The following CDK8 variants were observed in gnomAD, a reference collection of about 807,000 sequenced individuals.
CDK8 encodes cyclin dependent kinase 8, also known as cyclin-dependent kinase 8.
A neutral mutation model predicts 71.5 loss-of-function variants in CDK8; 29 were observed. That is an observed-to-expected ratio of 0.41 (90% CI 0.30 to 0.55). The LOEUF (loss-of-function observed/expected upper bound fraction) is 0.55, where lower values mean the gene tolerates loss of function less well. Among genes scored for constraint, CDK8 ranks in the 20% least tolerant of loss-of-function variants. The pLI, the probability that CDK8 is intolerant of heterozygous loss-of-function variation, is 0.37. For missense variants in CDK8, 288 were observed against 572.6 expected (o/e 0.50, Z 5.07); for synonymous variants, 161 against 192.1 (o/e 0.84, Z 1.34).
In CDK8 at chr13:26,397,141, T is replaced by A; in HGVS notation, c.861-12T>A. On this transcript the variant is annotated splice_polypyrimidine_tract_variant and intron_variant, in intron 8 of 12. Coordinates refer to ENST00000381527, the MANE Select transcript of CDK8 (RefSeq NM_001260.3). Reference sequence around the variant, plus strand: ...AGTCTAATATAGCTATTTCATAGTATTTCTCTTTCAGGTATACCAACTGCA... The same window carrying A: ...AGTCTAATATAGCTATTTCATAGTAATTCTCTTTCAGGTATACCAACTGCA... The A allele has an allele frequency of 6.7e-7, 1 of 1,498,978 alleles. No homozygotes were observed. Among genetic ancestry groups the A allele is most frequent in the Non-Finnish European group, 9.3e-7 (1 of 1,077,942 alleles). The allele number at this position is 1,498,978 out of a possible 1,614,324, so 92.9% of individuals were successfully genotyped here. A position where few individuals can be genotyped will look rare whatever the true frequency, so the allele number is the denominator to read the frequency against.
intron 12 of CDK8, among the ~76,000 whole-genome samples, chr13:26,402,495 T>C (rs1486888305): frequency 6.6e-6 from 1 of 152,180 alleles, no homozygotes; most frequent in Admixed American, 6.5e-5. Flanking sequence ...GAGAAAGAGA[T>C]GTTATTAAAC....
intron 4 of CDK8, among the ~76,000 whole-genome samples, chr13:26,371,599 G>C (rs939651420): frequency 2.0e-5 from 3 of 150,984 alleles, no homozygotes; most frequent in African/African-American, 7.4e-5. Flanking sequence ...TGTACAAAAA[G>C]AAATAGAAAC....
rs549282901 is a variant in CDK8 at position 26,401,646 on chromosome 13, T to C, written c.1269+22T>C. 1.6e-5 allele frequency: 26 copies of C among 1,611,594 alleles called. No individual in the cohort carries two copies. The South Asian group carries it at 2.7e-4, about 17-fold the overall frequency. ...TCAGGTATTCCAAGTTTATTTTGTATTGACTGCATGTCAGTGTTTACATAT... is the reference window on the plus strand; with the variant it reads ...TCAGGTATTCCAAGTTTATTTTGTACTGACTGCATGTCAGTGTTTACATAT... On this transcript the variant is annotated intron_variant, in intron 12 of 12. Transcript: ENST00000381527. The surrounding 1 kb of genome is among the most constrained non-coding windows in gnomAD (Gnocchi z 4.5).
intron 1 of CDK8, among the ~76,000 whole-genome samples, chr13:26,290,361 A>G (rs953088394): frequency 1.3e-5 from 2 of 152,228 alleles, no homozygotes. Flanking sequence ...AAGTACTCAA[A>G]GGTTTTAGTT....
intron 12 of CDK8, among the ~76,000 whole-genome samples, chr13:26,402,034 A>C (rs1032902075): frequency 6.6e-6 from 1 of 152,246 alleles, no homozygotes; most frequent in Non-Finnish European, 1.5e-5. Flanking sequence ...TTAAGAACAT[A>C]GGCTTTCAGA....
intron 5 of CDK8, among the ~76,000 whole-genome samples, chr13:26,383,517 A>C (rs921292336): frequency 1.4e-4 from 22 of 152,032 alleles, no homozygotes; most frequent in Admixed American, 5.2e-4. Context: ...ATTTTTTTTC[A>C]TTGTCATTTC....
chr13:26,293,147 A>G (rs182186397), intron 1 of CDK8, among the ~76,000 whole-genome samples: 35 of 152,178 alleles, frequency 2.3e-4, no homozygotes, highest in African/African-American at 8.4e-4. Flanking sequence ...CTAGATTCTT[A>G]GTTTTCAATT....
intron 2 of CDK8, among the ~76,000 whole-genome samples, chr13:26,339,695 T>TTTTATTTATTTATTTATTTA (rs370690774): frequency 2.6e-4 from 35 of 136,418 alleles, no homozygotes; most frequent in South Asian, 6.9e-4. Context: ...ATACTTTCCA[T>TTTTATTTATTTATTTATTTA]TTTATTTATT....
chr13:26,323,958 A>C (rs921617375), intron 1 of CDK8, among the ~76,000 whole-genome samples: 2 of 152,136 alleles, frequency 1.3e-5, no homozygotes, highest in Non-Finnish European at 2.9e-5. Context: ...CTTAATCACT[A>C]TGCCAGACTG....
intron 1 of CDK8, among the ~76,000 whole-genome samples, chr13:26,331,827 A>AT (rs1271884757): frequency 1.2e-4 from 18 of 151,608 alleles, no homozygotes; most frequent in Non-Finnish European, 2.7e-4. Flanking sequence ...TTTTAGGATT[A>AT]TTTTTTCTGA....
intron 1 of CDK8, among the ~76,000 whole-genome samples, chr13:26,256,569 A>G (rs762084653): frequency 1.3e-5 from 2 of 152,206 alleles, no homozygotes; most frequent in Non-Finnish European, 2.9e-5. Flanking sequence ...AACGTTGTAC[A>G]TTTTATTAGA....
At chr13:26,298,899 A>G (rs1353112653) in intron 1 of CDK8, among the ~76,000 whole-genome samples, 1 of 151,990 alleles carries the variant, frequency 6.6e-6, no homozygotes, top group African/African-American at 2.4e-5. Flanking sequence ...TCCATTCAGG[A>G]TCTCTGATGC....
At chr13:26,320,060 A>G (rs1289258071) in intron 1 of CDK8, among the ~76,000 whole-genome samples, 1 of 152,124 alleles carries the variant, frequency 6.6e-6, no homozygotes, top group Non-Finnish European at 1.5e-5. Context: ...ACCATATACA[A>G]AAATTACCTT....
At chr13:26,347,536 GA>G (rs897226219) in intron 2 of CDK8, among the ~76,000 whole-genome samples, 1 of 152,146 alleles carries the variant, frequency 6.6e-6, no homozygotes, top group Non-Finnish European at 1.5e-5. Flanking sequence ...TCATATATTT[GA>G]TAAGGGATTA....
chr13:26,302,474 A>G (rs1873868422), intron 1 of CDK8, among the ~76,000 whole-genome samples: 1 of 152,212 alleles, frequency 6.6e-6, no homozygotes, highest in Non-Finnish European at 1.5e-5. Context: ...TGGGACAGAT[A>G]GGGCAGCTAA....
At chr13:26,325,738 G>A (rs1474369590) in intron 1 of CDK8, among the ~76,000 whole-genome samples, 4 of 152,084 alleles carry the variant, frequency 2.6e-5, no homozygotes, top group Non-Finnish European at 5.9e-5. Flanking sequence ...CCGTGCTACC[G>A]ATCTGTTAGG....
intron 8 of CDK8, among the ~76,000 whole-genome samples, 174 bp downstream of exon 8, chr13:26,396,528 CTTAAATGA>C (rs1876002135): frequency 6.6e-6 from 1 of 151,942 alleles, no homozygotes; most frequent in Admixed American, 6.6e-5. Context: ...TCTTAAGATG[CTTAAATGA>C]TTATATACAA....
intron 4 of CDK8, among the ~76,000 whole-genome samples, chr13:26,377,922 A>G (rs1351627473): frequency 6.6e-6 from 1 of 152,202 alleles, no homozygotes; most frequent in Non-Finnish European, 1.5e-5. Flanking sequence ...AGGCTGTGTT[A>G]TTTACACATT....
At chr13:26,386,668 T>G (rs2138052718) in intron 6 of CDK8, among the ~76,000 whole-genome samples, 1 of 152,334 alleles carries the variant, frequency 6.6e-6, no homozygotes, top group Non-Finnish European at 1.5e-5. Context: ...ATTTTCTAGT[T>G]CTTGTATTTC....
Sources: allele counts gnomAD v4.1 joint callset (sites outside exome capture counted in the v4.1 genomes callset), GRCh38; gene constraint gnomAD v4.1.1; non-coding constraint Gnocchi (gnomAD v3.1); transcripts MANE v1.5; gene names NCBI Gene and HGNC (gene_info 2026-07-23, HGNC 2026-07-21).